ANKRD55: variants seen among roughly 807,000 people sequenced by gnomAD.
The protein encoded by ANKRD55 is ankyrin repeat domain 55, also known as ankyrin repeat domain-containing protein 55.
Under a neutral mutation model 60.6 loss-of-function variants are expected in ANKRD55, and 41 were observed. The observed-to-expected ratio is 0.68, with a 90% CI of 0.53 to 0.88. The LOEUF (loss-of-function observed/expected upper bound fraction) is 0.88. ANKRD55 is among the 40% of genes least tolerant of loss of function. ANKRD55 has a pLI of 0.00. For missense variants in ANKRD55, 732 were observed against 767.6 expected, an observed-to-expected ratio of 0.95 and a Z score of 0.55; for synonymous variants, 264 against 290.3, an observed-to-expected ratio of 0.91 and a Z score of 0.92.
chr5:56,110,538 T>C (rs1222680912), intron 10 of ANKRD55: 1 of 153,198 alleles, frequency 6.5e-6, no homozygotes. Context: ...CATTTTTTTT[T>C]TTTTTGACAT....
intron 2 of ANKRD55, among the ~76,000 whole-genome samples, chr5:56,218,058 C>T (rs1375055306): frequency 1.3e-5 from 2 of 152,106 alleles, no homozygotes; most frequent in Non-Finnish European, 2.9e-5. Context: ...GAAGTGAAGC[C>T]TGAAGATATG....
At chr5:56,184,475 C>T (rs572930030) in intron 2 of ANKRD55, among the ~76,000 whole-genome samples, 1 of 152,344 alleles carries the variant, frequency 6.6e-6, no homozygotes, top group East Asian at 1.9e-4. Context: ...AAAGTCTCTT[C>T]ATTTCAACCA....
At chr5:56,121,150 A>C (rs1230250483) in intron 8 of ANKRD55, among the ~76,000 whole-genome samples, 1 of 152,142 alleles carries the variant, frequency 6.6e-6, no homozygotes, top group Non-Finnish European at 1.5e-5. Flanking sequence ...GCCATCCTCC[A>C]TCTCTATTCC....
chr5:56,110,681 A>G (rs939691486), intron 10 of ANKRD55: 3 of 197,366 alleles, frequency 1.5e-5, no homozygotes, highest in Non-Finnish European at 3.1e-5. Context: ...GTGTCCACAC[A>G]AGGCATGGCC....
rs1476263167 is a variant in ANKRD55 at position 56,143,922 on chromosome 5, G to A, written c.491C>T (p.Thr164Ile). ...GTGGAAAGCCGCCCAGTGGAGTGGT[G>A]TCATTCCCTGCAAAACAACAGTCAG... ...EINHQDNEGMTPLHWAAFHNQ... is the reference protein window; with the variant it reads ...EINHQDNEGMIPLHWAAFHNQ... The change falls in exon 7 of 12, where the codon ACA becomes ATA. Residue 164 changes from threonine to isoleucine, a missense_variant. This residue lies in a region of ANKRD55 where 597 missense variants were observed against 607.5 expected (regional missense o/e 0.98). Coordinates refer to ENST00000341048, the MANE Select transcript of ANKRD55 (RefSeq NM_024669.3). 1 of 1,613,960 alleles carries A rather than the reference G, an allele frequency of 6.2e-7. No homozygotes were observed. The highest frequency in any genetic ancestry group is 8.5e-7 in the Non-Finnish European group (1 of 1,180,040).
At chr5:56,155,877 T>C (rs1372645755) in intron 6 of ANKRD55, among the ~76,000 whole-genome samples, 3 of 150,918 alleles carry the variant, frequency 2.0e-5, no homozygotes, top group Non-Finnish European at 4.4e-5. Flanking sequence ...CAAAACCATG[T>C]ATATATCTAT....
intron 9 of ANKRD55, 145 bp downstream of exon 9, chr5:56,116,470 G>GTCTT (rs1439894209): frequency 1.5e-6 from 1 of 673,232 alleles, no homozygotes; most frequent in Non-Finnish European, 2.1e-6. Flanking sequence ...ATCATTTAAT[G>GTCTT]TCTTTAATAC....
At chr5:56,138,289 A>G (rs1478072577) in intron 7 of ANKRD55, among the ~76,000 whole-genome samples, 2 of 151,860 alleles carry the variant, frequency 1.3e-5, no homozygotes, top group African/African-American at 4.8e-5. Flanking sequence ...TACCATGCCC[A>G]GCTAATTTTT....
chr5:56,159,471 AAAAG>A (rs567642173), intron 6 of ANKRD55, among the ~76,000 whole-genome samples: 28 of 152,262 alleles, frequency 1.8e-4, no homozygotes, highest in Non-Finnish European at 4.1e-4. Context: ...TAAAAAAAAA[AAAAG>A]AGAGCACGTC....
chr5:56,127,638 G>A, intron 7 of ANKRD55: 1 of 909,476 alleles, frequency 1.1e-6, no homozygotes, highest in Non-Finnish European at 1.3e-6. Context: ...CAGGGAGCCT[G>A]GGAAGCAGAA....
chr5:56,205,267 G>T (rs1367318817), intron 2 of ANKRD55, among the ~76,000 whole-genome samples: 4 of 152,136 alleles, frequency 2.6e-5, no homozygotes, highest in African/African-American at 7.2e-5. Flanking sequence ...CACCATATTG[G>T]TCAGGCTGGT....
At chr5:56,230,601 C>A (rs1245577086) in intron 2 of ANKRD55, among the ~76,000 whole-genome samples, 1 of 152,052 alleles carries the variant, frequency 6.6e-6, no homozygotes. Context: ...TTGGTTTGTC[C>A]AACAATATAG....
At chr5:56,214,468 G>A (rs778857606) in intron 2 of ANKRD55, among the ~76,000 whole-genome samples, 4 of 152,124 alleles carry the variant, frequency 2.6e-5, no homozygotes, top group South Asian at 2.1e-4. Flanking sequence ...TCTTTACAAC[G>A]ATCCTATAAC....
At position 56,126,835 on chromosome 5, in the gene ANKRD55, G is replaced by C. The variant is rs1026195871; in HGVS notation, c.797+87C>G. On this transcript the variant is annotated intron_variant, in intron 8 of 11. Transcript: ENST00000341048. ...TGGCAATAGGGATATAGCTGTATAG[G>C]ACACCTCCTTAAACATCTCCTTTAT... is the stretch of plus-strand genomic sequence containing the variant. 2.1e-6 allele frequency: 3 copies of C among 1,437,380 alleles called. No individual in the cohort carries two copies. In the African/African-American group the frequency reaches 4.3e-5, roughly 20 times the overall value. 89.0% of individuals were successfully genotyped at this position (1,437,380 alleles called of 1,614,324 possible).
chr5:56,187,851 C>T (rs567635170), intron 2 of ANKRD55, among the ~76,000 whole-genome samples: 7 of 152,308 alleles, frequency 4.6e-5, no homozygotes, highest in Admixed American at 2.6e-4. Flanking sequence ...TCAGATAACA[C>T]GAGGCTGGCT....
intron 9 of ANKRD55, among the ~76,000 whole-genome samples, chr5:56,113,474 T>C (rs1212790495): frequency 6.6e-6 from 1 of 152,224 alleles, no homozygotes; most frequent in Non-Finnish European, 1.5e-5. Flanking sequence ...TAAGCAATTC[T>C]ACTATATACG....
At chr5:56,166,563 C>G (rs1758489898) in intron 5 of ANKRD55, among the ~76,000 whole-genome samples, 2 of 152,004 alleles carry the variant, frequency 1.3e-5, no homozygotes, top group South Asian at 4.1e-4. Flanking sequence ...ATGCCTGGCC[C>G]CTTCAGGGAT....
At chr5:56,225,271 C>T (rs1760080200) in intron 2 of ANKRD55, among the ~76,000 whole-genome samples, 1 of 152,080 alleles carries the variant, frequency 6.6e-6, no homozygotes, top group Non-Finnish European at 1.5e-5. Context: ...AGGCTTTCGA[C>T]AAAATTCAAC....
At chr5:56,159,787 C>T in intron 6 of ANKRD55, 46 bp downstream of exon 6, 2 of 1,592,594 alleles carry the variant, frequency 1.3e-6, no homozygotes, top group Non-Finnish European at 1.7e-6. Flanking sequence ...CTTCCTTTCA[C>T]CCTCACATGC....
Sources: allele counts gnomAD v4.1 joint callset (sites outside exome capture counted in the v4.1 genomes callset), GRCh38; gene constraint gnomAD v4.1.1; regional missense constraint gnomAD v4.1.1; transcripts MANE v1.5; gene names NCBI Gene and HGNC (gene_info 2026-07-23, HGNC 2026-07-21).